The following SCP2 variants were observed in gnomAD, a reference collection of about 807,000 sequenced individuals.
The protein encoded by SCP2 is SCP-2/3-oxoacyl-CoA thiolase.
A neutral mutation model predicts 71.4 loss-of-function variants in SCP2; 48 were observed. The observed-to-expected ratio is 0.67, with a 90% CI of 0.53 to 0.86. The LOEUF (loss-of-function observed/expected upper bound fraction) is 0.86. Among genes scored for constraint, SCP2 ranks in the 40% least tolerant of loss-of-function variants. SCP2 has a pLI of 0.00. For synonymous variants in SCP2, 220 were observed against 218.1 expected (o/e 1.01, Z -0.08); for missense variants, 560 against 655.6 (o/e 0.85, Z 1.59).
chr1:53,015,193 G>T, intron 12 of SCP2, 150 bp downstream of exon 12: 1 of 854,588 alleles, frequency 1.2e-6, no homozygotes, highest in South Asian at 1.5e-5. Context: ...GGCTTTAAAA[G>T]TGGCCATCAG....
chr1:52,941,377 T>C (rs1004113475), intron 1 of SCP2, among the ~76,000 whole-genome samples: 1 of 152,036 alleles, frequency 6.6e-6, no homozygotes, highest in Non-Finnish European at 1.5e-5. Context: ...ATTATTAGAG[T>C]CTAATAATAA....
At chr1:52,934,927 G>A (rs1653562015) in intron 1 of SCP2, 1 of 148,328 alleles carries the variant, frequency 6.7e-6, no homozygotes, top group Non-Finnish European at 1.5e-5. Flanking sequence ...GGCCTCCCAA[G>A]TGCTGGGATT....
intron 2 of SCP2, among the ~76,000 whole-genome samples, chr1:52,942,118 G>T (rs1557546296): frequency 1.3e-5 from 2 of 152,174 alleles, no homozygotes; most frequent in African/African-American, 2.4e-5. Flanking sequence ...GGGAGAGAGA[G>T]GTAGGGTCAT....
chr1:53,008,913 A>G (rs1358548788), intron 11 of SCP2, among the ~76,000 whole-genome samples: 2 of 152,262 alleles, frequency 1.3e-5, no homozygotes, highest in African/African-American at 4.8e-5. Flanking sequence ...CCTTAAGCTG[A>G]TAAGCAACTT....
At chr1:52,999,048 A>G (rs1207440817) in intron 11 of SCP2, among the ~76,000 whole-genome samples, 1 of 152,146 alleles carries the variant, frequency 6.6e-6, no homozygotes, top group Non-Finnish European at 1.5e-5. Flanking sequence ...TCCTTTTATC[A>G]TTAATCTTTG....
intron 6 of SCP2, among the ~76,000 whole-genome samples, chr1:52,972,766 T>C (rs2150159896): frequency 6.6e-6 from 1 of 152,354 alleles, no homozygotes; most frequent in Non-Finnish European, 1.5e-5. Context: ...TTCAAATATC[T>C]GAAGCCAGCC....
chr1:52,945,275 C>T (rs1654671844), intron 2 of SCP2, among the ~76,000 whole-genome samples: 1 of 152,120 alleles, frequency 6.6e-6, no homozygotes, highest in South Asian at 2.1e-4. Context: ...TCATAGTACA[C>T]TCCACCTCAA....
chr1:52,982,458 T>C (rs1196000604), intron 10 of SCP2, among the ~76,000 whole-genome samples: 1 of 152,086 alleles, frequency 6.6e-6, no homozygotes, highest in African/African-American at 2.4e-5. Flanking sequence ...TAGTCCCAAC[T>C]ACTTGGGAGG....
chr1:53,039,158 T>A, intron 14 of SCP2, 112 bp downstream of exon 14: 1 of 1,308,094 alleles, frequency 7.6e-7, no homozygotes, highest in Non-Finnish European at 1.1e-6. Flanking sequence ...CTTTTAATGT[T>A]AAAGAACCAG....
chr1:52,939,628 A>C (rs1288730526), intron 1 of SCP2, among the ~76,000 whole-genome samples: 8 of 152,296 alleles, frequency 5.3e-5, no homozygotes, highest in Non-Finnish European at 8.8e-5. Context: ...GGTAAATGCC[A>C]AGGAGTGCTA....
rs531026176 is a variant in SCP2 at position 53,026,228 on chromosome 1, C to A, written c.1236-1741C>A. Among the ~76,000 whole-genome samples, 19 of 152,164 alleles carry A rather than the reference C, an allele frequency of 1.2e-4. 1 individual carries two copies. Among genetic ancestry groups the A allele is most frequent in the African/African-American group, 4.3e-4 (18 of 41,512 alleles). ...ATCAGTATACTTGGGATATCCATCACCTTAAATATTTGTCTTTTCTTTATT... is the reference window on the plus strand; with the variant it reads ...ATCAGTATACTTGGGATATCCATCAACTTAAATATTTGTCTTTTCTTTATT... On this transcript the variant is annotated intron_variant, in intron 12 of 15. Transcript: ENST00000371514.
chr1:52,985,917 TACCC>T (rs1658944940), intron 10 of SCP2, among the ~76,000 whole-genome samples: 1 of 152,352 alleles, frequency 6.6e-6, no homozygotes, highest in South Asian at 2.1e-4. Flanking sequence ...ATGTGTCCTA[TACCC>T]TTTCCCTGCT....
intron 11 of SCP2, chr1:52,993,786 C>T (rs1328757402): frequency 3.8e-5 from 60 of 1,564,680 alleles, no homozygotes; most frequent in Non-Finnish European, 4.9e-5. Context: ...CTCTCCTCCC[C>T]CAGCACCAAG....
chr1:52,932,402 GA>G (rs1471125337), intron 1 of SCP2, among the ~76,000 whole-genome samples: 1 of 152,088 alleles, frequency 6.6e-6, no homozygotes, highest in African/African-American at 2.4e-5. Context: ...TTTGAGGGTA[GA>G]AAAAAATTTT....
intron 11 of SCP2, among the ~76,000 whole-genome samples, chr1:53,000,620 G>A (rs1239390305): frequency 2.6e-5 from 4 of 152,274 alleles, no homozygotes; most frequent in South Asian, 2.1e-4. Context: ...GAAATACGAG[G>A]TCTACTCATA....
chr1:53,014,862 G>C (rs748152025), intron 11 of SCP2, 28 bp from the exon 12 acceptor site: 7 of 1,611,256 alleles, frequency 4.3e-6, no homozygotes, highest in Non-Finnish European at 5.9e-6. Context: ...GGTGGAAGCA[G>C]CTCAGTGCTC....
intron 3 of SCP2, among the ~76,000 whole-genome samples, chr1:52,950,052 G>T (rs1572069722): frequency 6.6e-6 from 1 of 152,154 alleles, no homozygotes; most frequent in African/African-American, 2.4e-5. Flanking sequence ...TGAAGTTGTG[G>T]AATCTTTATA....
chr1:52,957,689 T>C (rs1014289244), intron 5 of SCP2, among the ~76,000 whole-genome samples: 9 of 152,246 alleles, frequency 5.9e-5, no homozygotes, highest in African/African-American at 2.2e-4. Flanking sequence ...AGCTTTTCAA[T>C]TCTTTCTCTC....
At chr1:53,012,312 T>C (rs547390035) in intron 11 of SCP2, among the ~76,000 whole-genome samples, 106 of 152,382 alleles carry the variant, frequency 7.0e-4, no homozygotes, top group African/African-American at 2.5e-3. Flanking sequence ...GATCATATGC[T>C]TTTTGTCCAA....
Sources: allele counts gnomAD v4.1 joint callset (sites outside exome capture counted in the v4.1 genomes callset), GRCh38; gene constraint gnomAD v4.1.1; transcripts MANE v1.5; gene names NCBI Gene and HGNC (gene_info 2026-07-23, HGNC 2026-07-21).